Variants in ALK observed in about 807,000 individuals in gnomAD.
ALK encodes the protein ALK tyrosine kinase receptor.
Under a neutral mutation model 163.1 loss-of-function variants are expected in ALK, and 74 were observed. The observed-to-expected ratio is 0.45, with a 90% confidence interval of 0.38 to 0.55. The LOEUF is 0.55. Among genes scored for constraint, ALK ranks in the 20% least tolerant of loss-of-function variants. ALK has a pLI of 0.00. For synonymous variants in ALK, 960 were observed against 843.2 expected, an observed-to-expected ratio of 1.14 and a Z score of -2.40; for missense variants, 2,063 against 2,105.3, an observed-to-expected ratio of 0.98 and a Z score of 0.39.
intron 1 of ALK, among the ~76,000 whole-genome samples, chr2:29,750,088 C>T (rs761467151): frequency 2.6e-5 from 4 of 152,150 alleles, no homozygotes; most frequent in Admixed American, 1.3e-4. Flanking sequence ...GCACATCCGC[C>T]GAGGGCATGA....
At chr2:29,411,238 T>A (rs1669717426) in intron 4 of ALK, among the ~76,000 whole-genome samples, 2 of 152,328 alleles carry the variant, frequency 1.3e-5, no homozygotes, top group South Asian at 4.1e-4. Flanking sequence ...GGCAATAACA[T>A]GAATGGAGCT....
chr2:29,277,794 C>T (rs1382428904), intron 9 of ALK, among the ~76,000 whole-genome samples: 1 of 152,218 alleles, frequency 6.6e-6, no homozygotes, highest in Middle Eastern at 3.2e-3. Flanking sequence ...CACAAGGACC[C>T]TCAGCCCCTG....
chr2:29,614,604 T>G (rs1190982715), intron 3 of ALK, among the ~76,000 whole-genome samples: 1 of 152,232 alleles, frequency 6.6e-6, no homozygotes, highest in East Asian at 1.9e-4. Flanking sequence ...GCCCCATGCT[T>G]GGGCAGGGCC....
At position 29,717,668 on chromosome 2, in the gene ALK, T is replaced by G. The variant is rs771254732; in HGVS notation, c.697A>C (p.Met233Leu). 1 of 1,614,004 alleles carries G rather than the reference T, an allele frequency of 6.2e-7. No individual in the cohort carries two copies. Among genetic ancestry groups the G allele is most frequent in the Non-Finnish European group, 8.5e-7 (1 of 1,179,890 alleles). Residue 233 changes from methionine to leucine, a missense_variant, in exon 2 of 29, where the codon ATG becomes CTG. By Grantham distance (15) the Met-to-Leu change is conservative. Around this residue, in one of 5 missense-constraint regions of ALK, gnomAD observed 987 missense variants for 939.5 expected, o/e 1.05. Coordinates refer to ENST00000389048, the MANE Select transcript of ALK (RefSeq NM_004304.5). ...GHSSLESPTNMPSPSPDYFTW... is the reference protein window; with the variant it reads ...GHSSLESPTNLPSPSPDYFTW... ...AAATAATCAGGAGAAGGAGAAGGCA[T>G]GTTTGTTGGTGATTCCAAGGAGCTA...
chr2:29,618,996 TAAATAAAAAAAA>T (rs1218153831), intron 3 of ALK, among the ~76,000 whole-genome samples: 2 of 83,094 alleles, frequency 2.4e-5, no homozygotes, highest in African/African-American at 6.9e-5. Context: ...AAATAAAAAA[TAAATAAAAAAAA>T]AAAACACTTG....
intron 4 of ALK, among the ~76,000 whole-genome samples, chr2:29,480,280 T>C: frequency 6.6e-6 from 1 of 152,182 alleles, no homozygotes; most frequent in South Asian, 2.1e-4. Context: ...TTTATTTATT[T>C]AAAAAAAGGA....
chr2:29,460,097 T>C (rs1342809238), intron 4 of ALK, among the ~76,000 whole-genome samples: 1 of 152,172 alleles, frequency 6.6e-6, no homozygotes, highest in African/African-American at 2.4e-5. Flanking sequence ...TTTTAGTGAC[T>C]ACCTTGCAGT....
chr2:29,534,428 C>A (rs1573436622), intron 3 of ALK, among the ~76,000 whole-genome samples: 2 of 152,280 alleles, frequency 1.3e-5, no homozygotes, highest in South Asian at 4.1e-4. Context: ...CTGGAAGTAT[C>A]TCTGGGGACA....
intron 1 of ALK, among the ~76,000 whole-genome samples, chr2:29,769,369 CAAAT>C (rs961116867): frequency 6.6e-6 from 1 of 152,012 alleles, no homozygotes; most frequent in Non-Finnish European, 1.5e-5. Context: ...TTTTTCATGA[CAAAT>C]AGAGAGTAAG....
chr2:29,620,012 T>A (rs970458483), intron 3 of ALK, among the ~76,000 whole-genome samples: 3 of 152,234 alleles, frequency 2.0e-5, no homozygotes, highest in African/African-American at 7.2e-5. Context: ...TCTGGGTTCA[T>A]TACTTGGCTC....
chr2:29,227,590 G>A lies in ALK; in HGVS notation c.2898C>T (p.Tyr966=), dbSNP rs113303272. ...AGAAGCTACCTTTTAAAGCTGGGGT[G>A]TACAGGATGCCCAGTGGACTGATGA... ...VSFISPLGIL[Y]TPALKVMEGH... The change falls in exon 17 of 29, where the codon TAC becomes TAT. Residue 966 remains tyrosine (Y), a synonymous_variant. Transcript: ENST00000389048. The surrounding 1 kb of genome is among the most constrained non-coding windows in gnomAD (Gnocchi z 4.4). The A allele has an allele frequency of 4.0e-5, 64 of 1,613,928 alleles. 1 individual carries two copies. The highest frequency in any genetic ancestry group is 3.5e-4 in the African/African-American group (26 of 75,042).
At chr2:29,387,503 G>C (rs2148304532) in intron 4 of ALK, among the ~76,000 whole-genome samples, 1 of 152,284 alleles carries the variant, frequency 6.6e-6, no homozygotes, top group African/African-American at 2.4e-5. Context: ...TGAATTGGGA[G>C]CTGAGTCCTG....
intron 5 of ALK, among the ~76,000 whole-genome samples, chr2:29,334,107 C>T (rs1030442331): frequency 1.3e-5 from 2 of 152,194 alleles, no homozygotes; most frequent in African/African-American, 2.4e-5. Flanking sequence ...ATCTAGATCT[C>T]ACCACCTCAT....
chr2:29,560,706 G>A (rs1186529736), intron 3 of ALK, among the ~76,000 whole-genome samples: 1 of 151,834 alleles, frequency 6.6e-6, no homozygotes, highest in Non-Finnish European at 1.5e-5. Context: ...TGAGTAGCTG[G>A]GACTACAGGT....
chr2:29,798,021 G>C (rs1013686073), intron 1 of ALK, among the ~76,000 whole-genome samples: 4 of 152,080 alleles, frequency 2.6e-5, no homozygotes, highest in Admixed American at 1.3e-4. Context: ...CTGCCTGCAG[G>C]CTTGTGACCA....
At chr2:29,319,731 G>A (rs1204540479) in intron 7 of ALK, among the ~76,000 whole-genome samples, 1 of 152,246 alleles carries the variant, frequency 6.6e-6, no homozygotes, top group Non-Finnish European at 1.5e-5. Flanking sequence ...TGCTGTAGTG[G>A]AAATTATCAA....
chr2:29,687,056 G>A (rs184573278), intron 3 of ALK, among the ~76,000 whole-genome samples: 2 of 151,954 alleles, frequency 1.3e-5, no homozygotes, highest in East Asian at 3.9e-4. Context: ...AGAGATAGAA[G>A]GCCACACATC....
intron 5 of ALK, among the ~76,000 whole-genome samples, chr2:29,374,510 G>A (rs1206422440): frequency 2.0e-5 from 3 of 151,878 alleles, no homozygotes. Flanking sequence ...TAGGAACTTA[G>A]CATCTATTGA....
In ALK at chr2:29,232,308, G is replaced by A. The variant is rs1573139394; in HGVS notation, c.2628C>T (p.Ala876=). ...GGCACGCTTGCAGCGCTTTACCTGC[G>A]GCTCCGGAATTGCCGTTTAGCCCTA... ...SVLGLNGNSG[A]AGGGGGWNDN... is the part of the protein sequence containing the mutation. The change falls in exon 15 of 29, where the codon GCC becomes GCT. Residue 876 remains alanine (A), a synonymous_variant. Transcript: ENST00000389048. The A allele has an allele frequency of 9.3e-6, 15 of 1,614,218 alleles. No individual in the cohort carries two copies. The highest frequency in any genetic ancestry group is 1.3e-5 in the African/African-American group (1 of 75,056).
Sources: allele counts gnomAD v4.1 joint callset (sites outside exome capture counted in the v4.1 genomes callset), GRCh38; gene constraint gnomAD v4.1.1; regional missense constraint gnomAD v4.1.1; non-coding constraint Gnocchi (gnomAD v3.1); transcripts MANE v1.5; gene names NCBI Gene and HGNC (gene_info 2026-07-23, HGNC 2026-07-21).